MGMT: variants seen among roughly 807,000 people sequenced by gnomAD.
MGMT encodes the protein methylated-DNA--protein-cysteine methyltransferase.
In MGMT, 14 loss-of-function variants were observed where a neutral mutation model predicts 15.9. The ratio of observed to expected loss-of-function variants is 0.88; its 90% CI spans 0.58 to 1.37. The LOEUF is 1.37. Among genes scored for constraint, MGMT ranks in the 40% most tolerant of loss-of-function variants. The pLI is 0.00. For synonymous variants in MGMT, 130 were observed against 118.2 expected, an observed-to-expected ratio of 1.10 and a Z score of -0.65; for missense variants, 282 against 268.1, an observed-to-expected ratio of 1.05 and a Z score of -0.36.
chr10:129,669,978 C>G (rs998762966), intron 2 of MGMT, among the ~76,000 whole-genome samples: 4 of 152,076 alleles, frequency 2.6e-5, no homozygotes, highest in African/African-American at 9.7e-5. Flanking sequence ...ATTTTAATAT[C>G]AAACCTGAAC....
In MGMT at chr10:129,765,164, C is replaced by T. The variant is rs561938614; in HGVS notation, c.415-1624C>T. 6.6e-5 allele frequency among the ~76,000 whole-genome samples: 10 copies of T among 152,198 alleles called. No individual in the cohort carries two copies. In the East Asian group the frequency reaches 1.9e-3, roughly 30 times the overall value. The stretch of plus-strand genomic sequence containing the variant: ...CCACACGTCCCCCGAGATGTCCTGG[C>T]CCCTTAGTGGCTGCCCACCCATACA... On this transcript the variant is annotated intron_variant, in intron 4 of 4. Coordinates refer to ENST00000651593, the MANE Select transcript of MGMT (RefSeq NM_002412.5).
intron 2 of MGMT, among the ~76,000 whole-genome samples, chr10:129,583,394 T>G (rs982854153): frequency 3.3e-5 from 5 of 152,262 alleles, no homozygotes; most frequent in Non-Finnish European, 7.3e-5. Context: ...TGAGGCTAAT[T>G]ATTTACTCAT....
intron 2 of MGMT, among the ~76,000 whole-genome samples, chr10:129,632,362 A>G (rs568534275): frequency 6.6e-6 from 1 of 152,180 alleles, no homozygotes; most frequent in East Asian, 1.9e-4. Flanking sequence ...TCATTAGCAC[A>G]AGTGCTCCAT....
chr10:129,702,447 A>T (rs1848110147), intron 2 of MGMT, among the ~76,000 whole-genome samples: 1 of 152,180 alleles, frequency 6.6e-6, no homozygotes, highest in Non-Finnish European at 1.5e-5. Context: ...GTGACACGTG[A>T]TGTCCTAGGA....
intron 1 of MGMT, among the ~76,000 whole-genome samples, chr10:129,518,013 C>T (rs1041790063): frequency 6.6e-6 from 1 of 152,084 alleles, no homozygotes; most frequent in African/African-American, 2.4e-5. Flanking sequence ...TTTCGCACCT[C>T]TGTGGGCTCC....
intron 2 of MGMT, among the ~76,000 whole-genome samples, chr10:129,671,755 G>A (rs1361446936): frequency 6.6e-6 from 1 of 152,124 alleles, no homozygotes; most frequent in African/African-American, 2.4e-5. Context: ...CAAAGAAATC[G>A]CTCACGTCAT....
chr10:129,628,678 G>T (rs1847177996), intron 2 of MGMT, among the ~76,000 whole-genome samples: 1 of 152,192 alleles, frequency 6.6e-6, no homozygotes, highest in South Asian at 2.1e-4. Flanking sequence ...TGCGTGTTGG[G>T]CTCAAACGCA....
intron 3 of MGMT, among the ~76,000 whole-genome samples, chr10:129,736,164 TAAAG>T (rs1314608040): frequency 1.4e-5 from 2 of 139,524 alleles, no homozygotes; most frequent in African/African-American, 5.3e-5. Context: ...AGTGGGGTGT[TAAAG>T]TCTCCCATTA....
intron 2 of MGMT, among the ~76,000 whole-genome samples, chr10:129,568,146 C>A (rs1846376719): frequency 6.6e-6 from 1 of 152,240 alleles, no homozygotes; most frequent in Admixed American, 6.5e-5. Context: ...GTGCAGACAT[C>A]ACATTAAGCT....
chr10:129,639,946 CCA>C (rs1847309010), intron 2 of MGMT, among the ~76,000 whole-genome samples: 1 of 84,606 alleles, frequency 1.2e-5, no homozygotes, highest in Non-Finnish European at 2.4e-5. Context: ...GCTAGACTGA[CCA>C]AAAAAAAAAA....
chr10:129,627,483 G>T (rs1181323951), intron 2 of MGMT, among the ~76,000 whole-genome samples: 1 of 152,144 alleles, frequency 6.6e-6, no homozygotes, highest in East Asian at 1.9e-4. Flanking sequence ...CCGAGTGTAT[G>T]ATGGTAGTGA....
chr10:129,552,317 A>T (rs118080952), intron 2 of MGMT, among the ~76,000 whole-genome samples: 5,009 of 152,208 alleles, frequency 0.033, 132 homozygotes, highest in South Asian at 0.064. Context: ...CTGTGGCTTG[A>T]GCTGCGTCAC....
intron 1 of MGMT, among the ~76,000 whole-genome samples, chr10:129,507,200 G>A (rs768331458): frequency 6.6e-6 from 1 of 152,234 alleles, no homozygotes; most frequent in Admixed American, 6.5e-5. Context: ...GGCAGGTGAC[G>A]TTGGAGCCAG....
At chr10:129,742,932 T>C (rs1848652517) in intron 3 of MGMT, among the ~76,000 whole-genome samples, 1 of 152,178 alleles carries the variant, frequency 6.6e-6, no homozygotes, top group South Asian at 2.1e-4. Flanking sequence ...CTGCCCATGC[T>C]CAGAGCCAGG....
At chr10:129,480,097 C>T (rs1283363461) in intron 1 of MGMT, among the ~76,000 whole-genome samples, 1 of 152,068 alleles carries the variant, frequency 6.6e-6, no homozygotes, top group East Asian at 1.9e-4. Context: ...CTTCATAATG[C>T]CTGGATGAAT....
chr10:129,721,794 A>ATAGAATGCTAATTCTTTTAT (rs1477082338), intron 3 of MGMT, among the ~76,000 whole-genome samples: 40 of 151,716 alleles, frequency 2.6e-4, no homozygotes, highest in African/African-American at 9.2e-4. Context: ...AAAAGATAAA[A>ATAGAATGCTAATTCTTTTAT]TAGAATGCTA....
At chr10:129,571,209 AC>A (rs562650080) in intron 2 of MGMT, among the ~76,000 whole-genome samples, 107 of 152,304 alleles carry the variant, frequency 7.0e-4, no homozygotes, top group African/African-American at 2.4e-3. Context: ...AGAGTGAATG[AC>A]ATATTCTTTA....
chr10:129,612,221 T>C (rs1846968924), intron 2 of MGMT, among the ~76,000 whole-genome samples: 1 of 152,154 alleles, frequency 6.6e-6, no homozygotes, highest in South Asian at 2.1e-4. Context: ...TAAAGGATTG[T>C]GGAGATGCAA....
intron 2 of MGMT, among the ~76,000 whole-genome samples, chr10:129,637,763 G>C (rs1466093820): frequency 1.3e-5 from 2 of 152,160 alleles, no homozygotes; most frequent in Non-Finnish European, 2.9e-5. Flanking sequence ...TATACCATAG[G>C]CTTCTGTGCA....
Sources: allele counts gnomAD v4.1 joint callset (sites outside exome capture counted in the v4.1 genomes callset), GRCh38; gene constraint gnomAD v4.1.1; transcripts MANE v1.5; gene names NCBI Gene and HGNC (gene_info 2026-07-23, HGNC 2026-07-21).